Variants in BRPF3 observed in about 807,000 individuals in gnomAD.
The protein encoded by BRPF3 is bromodomain and PHD finger-containing protein 3.
A neutral mutation model predicts 102.0 loss-of-function variants in BRPF3; 18 were observed. That is an observed-to-expected ratio of 0.18 (90% CI 0.12 to 0.26). The LOEUF is 0.26. Among genes scored for constraint, BRPF3 ranks in the 10% least tolerant of loss-of-function variants. BRPF3 has a pLI of 1.00. For missense variants in BRPF3, 1,147 were observed against 1,567.8 expected, an observed-to-expected ratio of 0.73 and a Z score of 4.53; for synonymous variants, 570 against 614.2, an observed-to-expected ratio of 0.93 and a Z score of 1.06.
At chr6:36,205,822 T>C (rs539655779) in intron 3 of BRPF3, among the ~76,000 whole-genome samples, 2 of 152,356 alleles carry the variant, frequency 1.3e-5, no homozygotes, top group South Asian at 2.1e-4. Flanking sequence ...TCCAGACTTT[T>C]TGTCTTGTCC....
intron 9 of BRPF3, among the ~76,000 whole-genome samples, chr6:36,219,223 T>C (rs1768441833): frequency 6.6e-6 from 1 of 152,098 alleles, no homozygotes; most frequent in Non-Finnish European, 1.5e-5. Flanking sequence ...CCTGGACTGG[T>C]TCCCTGCTGT....
rs1381020655 is a variant in BRPF3 at position 36,232,750 on chromosome 6, C to T, written c.*2141C>T. 6.6e-6 allele frequency: 1 copy of T among 152,442 alleles called. No individual in the cohort carries two copies. Among genetic ancestry groups the T allele is most frequent in the African/African-American group, 2.4e-5 (1 of 41,426 alleles). 9.4% of individuals were successfully genotyped at this position (152,442 alleles called of 1,614,324 possible). On this transcript the variant is annotated 3_prime_UTR_variant, in exon 13 of 13. Transcript: ENST00000357641. ...CCTACTATAATATGACTGTCTGAAACTTATTTTCTCTCTGAGAAATAAATG... is the reference window on the plus strand; with the variant it reads ...CCTACTATAATATGACTGTCTGAAATTTATTTTCTCTCTGAGAAATAAATG...
At chr6:36,212,986 G>T (rs1037910706) in intron 7 of BRPF3, among the ~76,000 whole-genome samples, 3 of 152,202 alleles carry the variant, frequency 2.0e-5, no homozygotes, top group Non-Finnish European at 4.4e-5. Context: ...TTTCAAGGTG[G>T]TAGGTGAGCA....
chr6:36,201,189 T>C lies in BRPF3; in HGVS notation c.867T>C (p.His289=), dbSNP rs1243809032. 1.2e-5 allele frequency: 20 copies of C among 1,614,080 alleles called. No homozygotes were observed. Among genetic ancestry groups the C allele is most frequent in the Non-Finnish European group, 1.7e-5 (20 of 1,180,006 alleles). ...AGACCAGTGATGGGCACTGGGCCCA[T>C]GTGGTGTGTGCCATCTGGATCCCTG... ...FKQTSDGHWA[H]VVCAIWIPEV... Residue 289 remains histidine, a synonymous_variant, in exon 2 of 13, where the codon CAT becomes CAC. Transcript: ENST00000357641. The surrounding 1 kb of genome is among the most constrained non-coding windows in gnomAD (Gnocchi z 5.1).
rs1005659712 is a variant in BRPF3, at chr6:36,230,624, C to T, written c.*15C>T. 6.2e-7 allele frequency: 1 copy of T among 1,610,878 alleles called. No individual in the cohort carries two copies. Among genetic ancestry groups the T allele is most frequent in the Non-Finnish European group, 8.5e-7 (1 of 1,177,898 alleles). ...GCTACCTGTAAGGGCAGGGCTGGGC[C>T]TGCATCCGCTTGCCCTGCCTCCATC... On this transcript the variant is annotated 3_prime_UTR_variant, in exon 13 of 13. Transcript: ENST00000357641. This position sits in a 1 kb window ranked among gnomAD's most constrained non-coding sequence, Gnocchi z 5.4.
chr6:36,223,858 G>A (rs933337656), intron 10 of BRPF3, among the ~76,000 whole-genome samples: 2 of 152,084 alleles, frequency 1.3e-5, no homozygotes, highest in Non-Finnish European at 2.9e-5. Flanking sequence ...TGGAACAGGT[G>A]GTTCATACAT....
chr6:36,204,095 T>A (rs183426962), intron 2 of BRPF3, among the ~76,000 whole-genome samples: 28 of 150,344 alleles, frequency 1.9e-4, no homozygotes, highest in South Asian at 4.2e-4. Flanking sequence ...TTAGATCCAA[T>A]TTTTTTTTTC....
chr6:36,217,976 G>A lies in BRPF3; in HGVS notation c.3049G>A (p.Gly1017Ser), dbSNP rs376109888. 7 of 1,613,582 alleles carry A rather than the reference G, an allele frequency of 4.3e-6. No homozygotes were observed. Among genetic ancestry groups the A allele is most frequent in the Non-Finnish European group, 5.9e-6 (7 of 1,179,804 alleles). ...ESGSDSECSL[G>S]LSGGLAFEAC... ...CGGGTCTGACTCTGAATGTAGTTTG[G>A]GTCTCAGTGGTGGACTGGCATTTGA... Residue 1017 changes from glycine to serine, a missense_variant, in exon 9 of 13, where the codon GGT (glycine) becomes AGT (serine). This residue lies in a region of BRPF3 where 379 missense variants were observed against 426.3 expected (regional missense o/e 0.89). Transcript: ENST00000357641.
chr6:36,197,152 G>C (rs962222344), intron 1 of BRPF3, 182 bp downstream of exon 1: 1 of 152,668 alleles, frequency 6.6e-6, no homozygotes, highest in East Asian at 1.9e-4. Flanking sequence ...GGGTGAGCGG[G>C]GGAGCTGAGA....
At chr6:36,212,588 A>G (rs1768164463) in intron 7 of BRPF3, among the ~76,000 whole-genome samples, 1 of 151,916 alleles carries the variant, frequency 6.6e-6, no homozygotes, top group African/African-American at 2.4e-5. Flanking sequence ...AAAAAAAAAA[A>G]AAAAAAGGTG....
chr6:36,217,306 A>C (rs1581976221), intron 8 of BRPF3, among the ~76,000 whole-genome samples: 2 of 152,302 alleles, frequency 1.3e-5, no homozygotes, highest in South Asian at 4.1e-4. Flanking sequence ...CCTCCCAGGA[A>C]GTTCCGGGCT....
intron 1 of BRPF3, chr6:36,197,432 C>T (rs1767539748): frequency 1.3e-5 from 2 of 152,304 alleles, no homozygotes; most frequent in African/African-American, 2.4e-5. Context: ...GCGCTCGCCC[C>T]TCCCCTCTGA....
intron 3 of BRPF3, among the ~76,000 whole-genome samples, chr6:36,205,643 A>G (rs1007138779): frequency 1.6e-4 from 24 of 152,288 alleles, no homozygotes; most frequent in African/African-American, 5.5e-4. Context: ...GACTTTGTCT[A>G]AGAGCTTCTC....
chr6:36,223,584 C>T (rs779056644), intron 10 of BRPF3, among the ~76,000 whole-genome samples: 3 of 152,234 alleles, frequency 2.0e-5, no homozygotes, highest in Non-Finnish European at 2.9e-5. Context: ...GACCCAAACA[C>T]ATGCACTTTT....
At position 36,232,627 on chromosome 6, in the gene BRPF3, CTT is replaced by C. The variant is rs956640482; in HGVS notation, c.*2020_*2021del. On this transcript the variant is annotated 3_prime_UTR_variant, in exon 13 of 13. Transcript: ENST00000357641. ...ATGCTCTATTTATTGTAGAGAGTGACTTTATTTGCTTTCTAGAATTGTTTATA... is the reference window on the plus strand; with the variant it reads ...ATGCTCTATTTATTGTAGAGAGTGACTATTTGCTTTCTAGAATTGTTTATA... 1.3e-5 allele frequency: 2 copies of C among 152,608 alleles called. No homozygotes were observed. Among genetic ancestry groups the C allele is most frequent in the African/African-American group, 2.4e-5 (1 of 41,428 alleles). The allele number at this position is 152,608 out of a possible 1,614,324, so 9.5% of individuals were successfully genotyped here. A position where few individuals can be genotyped will look rare whatever the true frequency, so the allele number is the denominator to read the frequency against.
intron 12 of BRPF3, among the ~76,000 whole-genome samples, chr6:36,229,452 A>G (rs535534735): frequency 2.1e-4 from 32 of 152,318 alleles, no homozygotes; most frequent in South Asian, 1.9e-3. Context: ...TAGTTATTCA[A>G]TGCCACTGCC....
chr6:36,204,956 C>T, intron 3 of BRPF3, 142 bp downstream of exon 3: 10 of 1,038,828 alleles, frequency 9.6e-6, no homozygotes, highest in Non-Finnish European at 1.4e-5. Flanking sequence ...ATCCCAGGAA[C>T]AACCCCCAGC....
In BRPF3 at chr6:36,201,623, A is replaced by G; in HGVS notation, c.1301A>G (p.Gln434Arg). ...EEVEEEEQEA[Q>R]GGVSGSLKGV... ...GTGGAGGAAGAAGAGCAGGAAGCTC[A>G]AGGCGGGGTGAGTGGCTCCCTCAAG... The change falls in exon 2 of 13, where the codon CAA becomes CGA. Residue 434 changes from glutamine (Q) to arginine (R), a missense_variant. By Grantham distance (43) the Gln-to-Arg change is conservative. Around this residue, in one of 11 missense-constraint regions of BRPF3, gnomAD observed 157 missense variants for 163.6 expected, o/e 0.96. Transcript: ENST00000357641. This position sits in a 1 kb window ranked among gnomAD's most constrained non-coding sequence, Gnocchi z 5.1. 1.2e-6 allele frequency: 2 copies of G among 1,614,018 alleles called. No homozygotes were observed. Among genetic ancestry groups the G allele is most frequent in the Non-Finnish European group, 1.7e-6 (2 of 1,179,902 alleles).
chr6:36,200,902 G>C lies in BRPF3; in HGVS notation c.580G>C (p.Glu194Gln). 6.2e-7 allele frequency: 1 copy of C among 1,614,212 alleles called. No individual in the cohort carries two copies. The highest frequency in any genetic ancestry group is 8.5e-7 in the Non-Finnish European group (1 of 1,180,038). The part of the protein sequence containing the change: ...FELLVDRLEK[E>Q]SYLESRSSGA... ...GCTGCTGGTAGACCGGCTTGAGAAAGAGTCATACTTGGAGAGTCGCAGCAG... is the reference window on the plus strand; with the variant it reads ...GCTGCTGGTAGACCGGCTTGAGAAACAGTCATACTTGGAGAGTCGCAGCAG... Residue 194 changes from glutamate to glutamine, a missense_variant, in exon 2 of 13, where the codon GAG becomes CAG. Physicochemically the swap from Glu to Gln is conservative, Grantham distance 29 (BLOSUM62 2). This residue lies in a region of BRPF3 where 221 missense variants were observed against 337.1 expected (regional missense o/e 0.66). Coordinates refer to ENST00000357641, the MANE Select transcript of BRPF3 (RefSeq NM_015695.3). This position sits in a 1 kb window ranked among gnomAD's most constrained non-coding sequence, Gnocchi z 5.3.
Sources: allele counts gnomAD v4.1 joint callset (sites outside exome capture counted in the v4.1 genomes callset), GRCh38; gene constraint gnomAD v4.1.1; regional missense constraint gnomAD v4.1.1; non-coding constraint Gnocchi (gnomAD v3.1); transcripts MANE v1.5; gene names NCBI Gene and HGNC (gene_info 2026-07-23, HGNC 2026-07-21).